Variants in TTC6 observed in about 807,000 individuals in gnomAD.
TTC6 encodes tetratricopeptide repeat protein 6.
A neutral mutation model predicts 210.4 loss-of-function variants in TTC6; 172 were observed. The ratio of observed to expected loss-of-function variants is 0.82; its 90% confidence interval spans 0.72 to 0.93. The LOEUF (loss-of-function observed/expected upper bound fraction) is 0.93, where lower values mean the gene tolerates loss of function less well. TTC6 is among the 40% of genes least tolerant of loss of function. The probability of loss-of-function intolerance (pLI) is 0.00; values close to 1 mark genes in which losing one functional copy is unlikely to be tolerated. For missense variants in TTC6, 2,414 were observed against 2,318.1 expected, an observed-to-expected ratio of 1.04 and a Z score of -0.85; for synonymous variants, 804 against 819.6, an observed-to-expected ratio of 0.98 and a Z score of 0.32.
intron 3 of TTC6, among the ~76,000 whole-genome samples, chr14:37,686,728 C>A (rs1445050076): frequency 6.6e-6 from 1 of 152,026 alleles, no homozygotes; most frequent in Non-Finnish European, 1.5e-5. Flanking sequence ...CCTTATGAAA[C>A]CATCAGATGT....
intron 6 of TTC6, among the ~76,000 whole-genome samples, chr14:37,718,953 G>A (rs2095857022): frequency 1.3e-5 from 2 of 151,968 alleles, no homozygotes; most frequent in Non-Finnish European, 2.9e-5. Flanking sequence ...AATAAGTTCT[G>A]AGGAATCTGT....
intron 3 of TTC6, among the ~76,000 whole-genome samples, chr14:37,688,461 G>A (rs1480612938): frequency 6.6e-6 from 1 of 152,120 alleles, no homozygotes; most frequent in African/African-American, 2.4e-5. Context: ...TGGCCAGGGA[G>A]TGGTTATAGC....
chr14:37,829,707 G>C lies in TTC6; in HGVS notation c.5298+2341G>C, dbSNP rs533682322. Among the ~76,000 whole-genome samples the C allele has an allele frequency of 2.0e-5, 3 of 152,116 alleles. No individual in the cohort carries two copies. In the South Asian group the frequency reaches 6.2e-4, roughly 32 times the overall value. On this transcript the variant is annotated intron_variant, in intron 29 of 30. Coordinates refer to ENST00000553443, the Ensembl canonical transcript of TTC6. ...GATGGTCTTGAAGGAAGTCTAAGTAGGGGAAAGAACAGAGGATTCCAGGCT... is the reference window on the plus strand; with the variant it reads ...GATGGTCTTGAAGGAAGTCTAAGTACGGGAAAGAACAGAGGATTCCAGGCT...
At chr14:37,830,174 C>T (rs1166365980) in intron 29 of TTC6, among the ~76,000 whole-genome samples, 1 of 152,014 alleles carries the variant, frequency 6.6e-6, no homozygotes, top group Non-Finnish European at 1.5e-5. Flanking sequence ...GTAAGTGCTG[C>T]TTTCTTTTCT....
chr14:37,767,287 T>A (rs560237081), intron 14 of TTC6, among the ~76,000 whole-genome samples: 6 of 152,288 alleles, frequency 3.9e-5, no homozygotes, highest in Non-Finnish European at 7.4e-5. Context: ...TATAGCAGCA[T>A]GATTTATAGT....
At chr14:37,683,055 A>T in intron 3 of TTC6, 91 bp downstream of exon 5, 1 of 1,157,368 alleles carries the variant, frequency 8.6e-7, no homozygotes, top group Non-Finnish European at 1.2e-6. Flanking sequence ...GGACCAACGT[A>T]TGGGGCTGGG....
At chr14:37,622,356 C>T in exon 1 of TTC6, 1 of 1,531,076 alleles carries the variant, frequency 6.5e-7, no homozygotes. Flanking sequence ...CGGAGGCGCG[C>T]CGCGTCCCTC....
At chr14:37,692,208 C>CAAAAAAAAAAAAAAAAAAAAAAAAAAAAA (rs3062759) in intron 3 of TTC6, among the ~76,000 whole-genome samples, 23 of 40,158 alleles carry the variant, frequency 5.7e-4, no homozygotes, top group African/African-American at 9.9e-4. Flanking sequence ...AAAGACACAC[C>CAAAAAAAAAAAAAAAAAAAAAAAAAAAAA]AAAAAAAAAA....
At chr14:37,754,441 T>C (rs1230265756) in intron 14 of TTC6, among the ~76,000 whole-genome samples, 3 of 152,066 alleles carry the variant, frequency 2.0e-5, no homozygotes, top group Admixed American at 6.6e-5. Context: ...TTCTTTCTTT[T>C]TTTTTTTTGA....
At chr14:37,830,051 C>G (rs1266553642) in intron 29 of TTC6, among the ~76,000 whole-genome samples, 1 of 151,964 alleles carries the variant, frequency 6.6e-6, no homozygotes, top group African/African-American at 2.4e-5. Flanking sequence ...GGAGGGGCTC[C>G]TGAGAACAAT....
rs1389552046 is a variant in TTC6, at chr14:37,812,438, G to C, written c.4689+5G>C. 5 of 1,591,430 alleles carry C rather than the reference G, an allele frequency of 3.1e-6. No homozygotes were observed. The highest frequency in any genetic ancestry group is 4.3e-6 in the Non-Finnish European group (5 of 1,171,720). ...CAGTATGGCTTTGCACTAGAGGTAA[G>C]CCTTCCTGTTGTGTAACCCACTTGA... is the stretch of plus-strand genomic sequence containing the variant. On this transcript the variant is annotated splice_donor_5th_base_variant and intron_variant, in intron 25 of 30. Coordinates refer to ENST00000553443, the Ensembl canonical transcript of TTC6.
At chr14:37,599,460 AAC>A (rs2095611064) in intron 1 of TTC6, among the ~76,000 whole-genome samples, 1 of 152,164 alleles carries the variant, frequency 6.6e-6, no homozygotes. Flanking sequence ...GCAACGCATA[AAC>A]ATACCCAGGG....
chr14:37,606,797 G>T (rs1345283899), intron 2 of TTC6, 55 bp downstream of exon 2: 1 of 984,324 alleles, frequency 1.0e-6, no homozygotes, highest in African/African-American at 1.7e-5. Flanking sequence ...TCATCAAAAG[G>T]CTCTACTCCT....
chr14:37,637,626 C>T (rs1377472067), intron 1 of TTC6, among the ~76,000 whole-genome samples: 1 of 151,884 alleles, frequency 6.6e-6, no homozygotes, highest in Admixed American at 6.6e-5. Flanking sequence ...CAGAGTGAGA[C>T]CGGGTCCTGA....
intron 29 of TTC6, among the ~76,000 whole-genome samples, chr14:37,836,688 C>T (rs180943190): frequency 1.3e-5 from 2 of 152,122 alleles, no homozygotes; most frequent in African/African-American, 2.4e-5. Flanking sequence ...GCTTTGGGAA[C>T]AGGTGTTCAG....
At chr14:37,790,277 C>T (rs2096076546) in intron 15 of TTC6, among the ~76,000 whole-genome samples, 1 of 152,064 alleles carries the variant, frequency 6.6e-6, no homozygotes, top group Non-Finnish European at 1.5e-5. Flanking sequence ...AGTACTCAAG[C>T]CTGTTCCTTG....
intron 27 of TTC6, 23 bp from the exon 30 acceptor site, chr14:37,826,172 G>A (rs752926545): frequency 4.1e-5 from 65 of 1,576,432 alleles, no homozygotes; most frequent in African/African-American, 3.1e-4. Context: ...TTCCTACTTC[G>A]TGTAATTGGA....
At chr14:37,746,143 T>C (rs1033344114) in intron 10 of TTC6, among the ~76,000 whole-genome samples, 14 of 152,172 alleles carry the variant, frequency 9.2e-5, no homozygotes, top group Non-Finnish European at 1.5e-5. Context: ...TCTGTAGTGG[T>C]AAATGGAATT....
intron 26 of TTC6, among the ~76,000 whole-genome samples, chr14:37,818,775 T>C (rs565589481): frequency 2.8e-4 from 42 of 152,276 alleles, no homozygotes; most frequent in African/African-American, 9.1e-4. Context: ...GTCTTACCAT[T>C]GTCTATTTTA....
Sources: gnomAD v4.1 joint callset for allele counts (sites outside exome capture counted in the v4.1 genomes callset) on GRCh38, gnomAD v4.1.1 for gene constraint, MANE v1.5 for transcripts, NCBI Gene and HGNC (gene_info 2026-07-23, HGNC 2026-07-21) for gene names.